ITGB8: variants seen among roughly 807,000 people sequenced by gnomAD.
ITGB8 encodes integrin subunit beta 8, also known as integrin beta-8.
Under a neutral mutation model 89.5 loss-of-function variants are expected in ITGB8, and 30 were observed. That is an observed-to-expected ratio of 0.34 (90% confidence interval 0.25 to 0.45). The LOEUF (loss-of-function observed/expected upper bound fraction) is 0.45, where lower values mean the gene tolerates loss of function less well. Ranked by LOEUF, ITGB8 falls within the 20% of genes least tolerant of loss-of-function variation. The pLI, the probability that ITGB8 is intolerant of heterozygous loss-of-function variation, is 1.00. For synonymous variants in ITGB8, 335 were observed against 320.4 expected (o/e 1.05, Z -0.49); for missense variants, 836 against 933.3 (o/e 0.90, Z 1.36).
In ITGB8 at chr7:20,342,024, G is replaced by A. The variant is rs1453161442; in HGVS notation, c.127+10091G>A. Reference sequence around the variant, plus strand: ...CAAACTTCTCAGATACTGCCCAGGTGGTATGTGATATTTTCTCCTATACTG... The same window carrying A: ...CAAACTTCTCAGATACTGCCCAGGTAGTATGTGATATTTTCTCCTATACTG... On this transcript the variant is annotated intron_variant, in intron 1 of 13. Transcript: ENST00000222573. Among the ~76,000 whole-genome samples, 4 of 152,078 alleles carry A rather than the reference G, an allele frequency of 2.6e-5. No individual in the cohort carries two copies. In the East Asian group the frequency reaches 7.7e-4, roughly 29 times the overall value.
chr7:20,409,771 C>T lies in ITGB8; in HGVS notation c.2180C>T (p.Ser727Leu). Residue 727 changes from serine (S) to leucine (L), a missense_variant, in exon 13 of 14, where the codon TCA becomes TTA. By Grantham distance (145) the Ser-to-Leu change is moderately radical. This residue lies in a region of ITGB8 where 422 missense variants were observed against 416.9 expected (regional missense o/e 1.01). Coordinates refer to ENST00000222573, the MANE Select transcript of ITGB8 (RefSeq NM_002214.3). ...TCATCAGATTACAGAGTGTCAGCCT[C>T]AAAAAAGGTCAGTGAATTCTAAAAA... ...KSSSDYRVSASKKDKLILQSV... is the reference protein window; with the variant it reads ...KSSSDYRVSALKKDKLILQSV... 1 of 1,612,158 alleles carries T rather than the reference C, an allele frequency of 6.2e-7. No individual in the cohort carries two copies. Among genetic ancestry groups the T allele is most frequent in the Non-Finnish European group, 8.5e-7 (1 of 1,179,220 alleles).
At chr7:20,339,225 A>G (rs554356868) in intron 1 of ITGB8, among the ~76,000 whole-genome samples, 1 of 151,094 alleles carries the variant, frequency 6.6e-6, no homozygotes, top group South Asian at 2.1e-4. Flanking sequence ...AGGAAAGAAC[A>G]TTTTACTGAC....
chr7:20,367,690 G>A (rs1370968076), intron 3 of ITGB8, among the ~76,000 whole-genome samples: 2 of 152,008 alleles, frequency 1.3e-5, no homozygotes, highest in Non-Finnish European at 2.9e-5. Flanking sequence ...CTTTGTAATA[G>A]ACTTTTAATC....
Position 20,401,808 on chromosome 7 carries a change from G to C in ITGB8, c.1369G>C (p.Glu457Gln). Reference protein sequence around the residue: ...YAIIKPIGFNETAKIHIHRNC... With the variant: ...YAIIKPIGFNQTAKIHIHRNC... ...AATAATCAAACCTATTGGTTTTAAT[G>C]AAACCGCTAAAATTCATATACACAG... The change falls in exon 10 of 14, where the codon GAA becomes CAA. Residue 457 changes from glutamate (E) to glutamine (Q), a missense_variant. Glu to Gln is a conservative substitution (Grantham distance 29). Around this residue, in one of 5 missense-constraint regions of ITGB8, gnomAD observed 422 missense variants for 416.9 expected, o/e 1.01. Transcript: ENST00000222573. 1 of 1,612,802 alleles carries C rather than the reference G, an allele frequency of 6.2e-7. No homozygotes were observed. The highest frequency in any genetic ancestry group is 1.1e-5 in the South Asian group (1 of 90,544).
intron 6 of ITGB8, among the ~76,000 whole-genome samples, chr7:20,389,699 TACAG>T (rs1163508758): frequency 6.6e-6 from 1 of 152,188 alleles, no homozygotes; most frequent in African/African-American, 2.4e-5. Context: ...ATATTTCCAA[TACAG>T]ACAGATTTAC....
In ITGB8 at chr7:20,402,140, T is replaced by C. The variant is rs746282632; in HGVS notation, c.1687+14T>C. The stretch of plus-strand genomic sequence containing the variant: ...ATCTGTGTGCTGGTGAGTATAAATA[T>C]ATACAGGCAGCTTTTACTTGTCACT... On this transcript the variant is annotated intron_variant, in intron 10 of 13. Coordinates refer to ENST00000222573, the MANE Select transcript of ITGB8 (RefSeq NM_002214.3). 6.3e-7 allele frequency: 1 copy of C among 1,578,512 alleles called. No individual in the cohort carries two copies. The highest frequency in any genetic ancestry group is 8.6e-7 in the Non-Finnish European group (1 of 1,163,060).
At chr7:20,385,214 A>G (rs1251750823) in intron 6 of ITGB8, among the ~76,000 whole-genome samples, 1 of 152,238 alleles carries the variant, frequency 6.6e-6, no homozygotes, top group East Asian at 1.9e-4. Flanking sequence ...AAGACCAAGG[A>G]ACAAGTATGT....
chr7:20,382,091 C>G, intron 6 of ITGB8: 1 of 436,730 alleles, frequency 2.3e-6, no homozygotes, highest in Non-Finnish European at 4.0e-6. Context: ...TTGACAGTTT[C>G]TAGTAGCTGA....
chr7:20,347,408 C>T (rs996607247), intron 1 of ITGB8, among the ~76,000 whole-genome samples: 2 of 151,990 alleles, frequency 1.3e-5, no homozygotes, highest in Admixed American at 6.6e-5. Flanking sequence ...ATTCTGAGAA[C>T]GTTGTTACAT....
At chr7:20,364,209 G>A (rs1241544066) in intron 2 of ITGB8, among the ~76,000 whole-genome samples, 2 of 152,114 alleles carry the variant, frequency 1.3e-5, no homozygotes, top group Non-Finnish European at 2.9e-5. Flanking sequence ...TCTTTTGTCA[G>A]TAATCTGGAG....
chr7:20,398,862 GC>G lies in ITGB8; in HGVS notation c.1150del (p.Leu384SerfsTer5). 6.3e-7 allele frequency: 1 copy of G among 1,576,682 alleles called. No individual in the cohort carries two copies. The highest frequency in any genetic ancestry group is 1.2e-5 in the South Asian group (1 of 84,614). On this transcript the variant is annotated frameshift_variant, in exon 9 of 14. Coordinates refer to ENST00000222573, the MANE Select transcript of ITGB8 (RefSeq NM_002214.3). LOFTEE classifies it high-confidence loss of function. ...NNLVVEAYQK[L>X]ISEVKVQVEN... ...ATTTAAAAATAATGTCTCTGCAGAA[GC>G]TCATTTCAGAAGTGAAAGTTCAGGT...
intron 10 of ITGB8, among the ~76,000 whole-genome samples, 170 bp from the exon 11 acceptor site, chr7:20,404,458 C>T (rs6973059): frequency 0.22 from 33,862 of 152,156 alleles, 4,639 homozygotes; most frequent in Non-Finnish European, 0.3. Flanking sequence ...TGAAAACAGA[C>T]CCTCCTAAAT....
At chr7:20,381,482 A>G (rs76552291) in intron 5 of ITGB8, 7,914 of 365,954 alleles carry the variant, frequency 0.022, 127 homozygotes, top group Non-Finnish European at 0.027. Context: ...TTTAATCTAT[A>G]TTGTTCTTCC....
At position 20,410,203 on chromosome 7, in the gene ITGB8, A is replaced by T; in HGVS notation, c.*206A>T. 1 of 548,920 alleles carries T rather than the reference A, an allele frequency of 1.8e-6. No individual in the cohort carries two copies. The highest frequency in any genetic ancestry group is 3.2e-6 in the Non-Finnish European group (1 of 308,404). 34.0% of individuals were successfully genotyped at this position (548,920 alleles called of 1,614,324 possible). On this transcript the variant is annotated 3_prime_UTR_variant, in exon 14 of 14. Coordinates refer to ENST00000222573, the MANE Select transcript of ITGB8 (RefSeq NM_002214.3). ...TTTTCAGAGAAAAATGTGTCTTACT[A>T]CTGTTTGAGACTAGTGTCGTTGTAG...
intron 1 of ITGB8, among the ~76,000 whole-genome samples, chr7:20,359,668 G>GGA (rs985806452): frequency 7.0e-6 from 1 of 143,522 alleles, no homozygotes; most frequent in Non-Finnish European, 1.6e-5. Context: ...GGGGAGGGAA[G>GGA]GAGAGAGAGT....
rs1217278211 is a variant in ITGB8 at position 20,373,272 on chromosome 7, A to G, written c.389-5779A>G. On this transcript the variant is annotated intron_variant, in intron 3 of 13. Coordinates refer to ENST00000222573, the MANE Select transcript of ITGB8 (RefSeq NM_002214.3). ...CTTTACTTTTCACTTCTTATAATAT[A>G]CTTTTTCTTATTTTCACTTATGAAT... Among the ~76,000 whole-genome samples the G allele has an allele frequency of 3.3e-5, 5 of 152,288 alleles. No individual in the cohort carries two copies. In the East Asian group the frequency reaches 9.6e-4, roughly 29 times the overall value.
intron 6 of ITGB8, 169 bp downstream of exon 6, chr7:20,382,054 A>T: frequency 2.0e-6 from 1 of 495,240 alleles, no homozygotes; most frequent in Non-Finnish European, 3.5e-6. Context: ...ATAAATACTG[A>T]TCAATAAAAT....
chr7:20,390,332 G>C (rs938964291), intron 6 of ITGB8, among the ~76,000 whole-genome samples: 4 of 152,218 alleles, frequency 2.6e-5, no homozygotes, highest in South Asian at 2.1e-4. Flanking sequence ...TCTCTGATAA[G>C]TATCTAGCTA....
At chr7:20,388,841 G>A (rs1461526691) in intron 6 of ITGB8, among the ~76,000 whole-genome samples, 2 of 152,020 alleles carry the variant, frequency 1.3e-5, no homozygotes, top group African/African-American at 4.8e-5. Context: ...CTGTGTCCAT[G>A]TGTTCTCATT....
Sources: gnomAD v4.1 joint callset for allele counts (sites outside exome capture counted in the v4.1 genomes callset) on GRCh38, gnomAD v4.1.1 for gene constraint, gnomAD v4.1.1 regional missense constraint, MANE v1.5 for transcripts, NCBI Gene and HGNC (gene_info 2026-07-23, HGNC 2026-07-21) for gene names.